Variants in ZCCHC2 observed in about 807,000 individuals in gnomAD.
The protein encoded by ZCCHC2 is zinc finger CCHC domain-containing protein 2.
ZCCHC2 carries 39 observed loss-of-function variants against 103.6 expected under a neutral mutation model. The observed-to-expected ratio is 0.38, with a 90% CI of 0.29 to 0.49. The LOEUF is 0.49. Ranked by LOEUF, ZCCHC2 falls within the 20% of genes least tolerant of loss-of-function variation. ZCCHC2 has a pLI of 0.96. For synonymous variants in ZCCHC2, 687 were observed against 608.9 expected (o/e 1.13, Z -1.89); for missense variants, 1,483 against 1,491.0 (o/e 0.99, Z 0.09).
chr18:62,574,026 G>T (rs369082554), intron 12 of ZCCHC2, 31 bp from the exon 13 acceptor site: 154 of 1,586,342 alleles, frequency 9.7e-5, no homozygotes, highest in Non-Finnish European at 1.2e-4. Context: ...TTATGCCCGT[G>T]TTAATATCTC....
chr18:62,553,912 G>A (rs1915772841), intron 5 of ZCCHC2, among the ~76,000 whole-genome samples: 1 of 152,050 alleles, frequency 6.6e-6, no homozygotes, highest in Non-Finnish European at 1.5e-5. Context: ...TGACCATAGA[G>A]GTGTTTTAAA....
At chr18:62,541,784 G>A (rs987652293) in intron 2 of ZCCHC2, among the ~76,000 whole-genome samples, 2 of 152,114 alleles carry the variant, frequency 1.3e-5, no homozygotes, top group Non-Finnish European at 2.9e-5. Flanking sequence ...TAAAGGTGTC[G>A]TAAAATGGAT....
chr18:62,565,123 A>G, intron 11 of ZCCHC2, 27 bp downstream of exon 11: 2 of 1,494,256 alleles, frequency 1.3e-6, no homozygotes, highest in Non-Finnish European at 1.9e-6. Flanking sequence ...TCTTTCAAAT[A>G]CCCATCACAT....
At chr18:62,547,907 G>T (rs1378031318) in intron 4 of ZCCHC2, among the ~76,000 whole-genome samples, 2 of 152,068 alleles carry the variant, frequency 1.3e-5, no homozygotes, top group Admixed American at 6.6e-5. Flanking sequence ...CATTTCTCAT[G>T]ATCAGAATGT....
intron 7 of ZCCHC2, 145 bp downstream of exon 7, chr18:62,558,915 A>G: frequency 9.9e-6 from 5 of 503,944 alleles, no homozygotes; most frequent in Non-Finnish European, 1.8e-5. Flanking sequence ...TAGACCATTC[A>G]ATAAATGGTG....
At chr18:62,545,348 G>A (rs540627793) in intron 4 of ZCCHC2, among the ~76,000 whole-genome samples, 1 of 152,210 alleles carries the variant, frequency 6.6e-6, no homozygotes, top group East Asian at 1.9e-4. Flanking sequence ...GCTTCTGCTT[G>A]GTGGGAGTTC....
intron 9 of ZCCHC2, among the ~76,000 whole-genome samples, chr18:62,563,518 G>A (rs1361751025): frequency 6.6e-6 from 1 of 152,106 alleles, no homozygotes; most frequent in Non-Finnish European, 1.5e-5. Context: ...TTAGCTGAGT[G>A]TGGTGGTACA....
intron 7 of ZCCHC2, among the ~76,000 whole-genome samples, chr18:62,559,349 T>C (rs1454404385): frequency 3.9e-5 from 6 of 152,196 alleles, no homozygotes; most frequent in African/African-American, 1.4e-4. Context: ...GTGAAAGACA[T>C]AAATAGGTGA....
chr18:62,553,582 A>G (rs1210919498), intron 5 of ZCCHC2, among the ~76,000 whole-genome samples: 3 of 152,278 alleles, frequency 2.0e-5, no homozygotes, highest in South Asian at 4.1e-4. Flanking sequence ...TATCTGTAAG[A>G]TCAATTTATG....
rs568120011 is a variant in ZCCHC2, at chr18:62,528,899, G to A, written c.939+4536G>A. Among the ~76,000 whole-genome samples the A allele has an allele frequency of 2.6e-5, 4 of 152,166 alleles. No individual in the cohort carries two copies. In the South Asian group the frequency reaches 8.3e-4, roughly 32 times the overall value. Reference sequence around the variant, plus strand: ...TTTTTGGCCAGGCGCAGTGGCTCACGCCTGTAATTCCAGCACTTTGAAAGC... The same window carrying A: ...TTTTTGGCCAGGCGCAGTGGCTCACACCTGTAATTCCAGCACTTTGAAAGC... On this transcript the variant is annotated intron_variant, in intron 1 of 13. Transcript: ENST00000269499.
At chr18:62,528,963 C>T in intron 1 of ZCCHC2, among the ~76,000 whole-genome samples, 1 of 151,958 alleles carries the variant, frequency 6.6e-6, no homozygotes, top group Non-Finnish European at 1.5e-5. Flanking sequence ...AGTTAGAGAC[C>T]AGCCTGACCA....
At chr18:62,565,259 A>G (rs1415551824) in intron 11 of ZCCHC2, among the ~76,000 whole-genome samples, 163 bp downstream of exon 11, 3 of 152,176 alleles carry the variant, frequency 2.0e-5, no homozygotes, top group South Asian at 2.1e-4. Flanking sequence ...TCTGAAATCA[A>G]TGGAGTTAAT....
At chr18:62,564,449 T>A (rs1916257356) in intron 9 of ZCCHC2, 122 bp from the exon 10 acceptor site, 2 of 666,086 alleles carry the variant, frequency 3.0e-6, no homozygotes, top group Admixed American at 7.7e-5. Flanking sequence ...AAAAATAGGT[T>A]GGAAATCAAC....
Position 62,575,440 on chromosome 18 carries a change from C to T in ZCCHC2, c.3359C>T (p.Thr1120Ile). 6.2e-7 allele frequency: 1 copy of T among 1,613,974 alleles called. No homozygotes were observed. Among genetic ancestry groups the T allele is most frequent in the Non-Finnish European group, 8.5e-7 (1 of 1,179,900 alleles). The change falls in exon 13 of 14, where the codon ACC (threonine) becomes ATC (isoleucine). Residue 1120 changes from threonine to isoleucine, a missense_variant. Thr to Ile is a moderately conservative substitution (Grantham distance 89). This residue lies in a region of ZCCHC2 where 884 missense variants were observed against 907.5 expected (regional missense o/e 0.97). Coordinates refer to ENST00000269499, the MANE Select transcript of ZCCHC2 (RefSeq NM_017742.6). ...VYPAPNVVAN[T>I]SGSGPKKNGN... is the part of the protein sequence containing the mutation. ...CCAGCACCTAACGTAGTTGCCAACA[C>T]CAGTGGTTCGGGGCCCAAGAAGAAT...
At position 62,570,146 on chromosome 18, in the gene ZCCHC2, A is replaced by C. The variant is rs778846725; in HGVS notation, c.1890A>C (p.Glu630Asp). 3 of 1,612,910 alleles carry C rather than the reference A, an allele frequency of 1.9e-6. No homozygotes were observed. In the South Asian group the frequency reaches 3.3e-5, roughly 18 times the overall value. ...DIGSGHDTCG[E>D]TSSESYSSPS... is the part of the protein sequence containing the mutation. ...GCTCTGGACATGACACATGTGGAGA[A>C]ACATCTTCAGAGAGTTACAGTTCTC... Residue 630 changes from glutamate to aspartate, a missense_variant, in exon 12 of 14, where the codon GAA (glutamate) becomes GAC (aspartate). Physicochemically the swap from Glu to Asp is conservative, Grantham distance 45. This residue lies in a region of ZCCHC2 where 884 missense variants were observed against 907.5 expected (regional missense o/e 0.97). Coordinates refer to ENST00000269499, the MANE Select transcript of ZCCHC2 (RefSeq NM_017742.6).
chr18:62,577,243 GAAGA>G lies in ZCCHC2; in HGVS notation c.*665_*668del, dbSNP rs1312462565. On this transcript the variant is annotated 3_prime_UTR_variant, in exon 14 of 14. Transcript: ENST00000269499. ...GTCCAAATAGAAATGAAAATAAGTG[GAAGA>G]GAGAGGAAGAAGTCAAACCATATGA... is the stretch of plus-strand genomic sequence containing the variant. The G allele has an allele frequency of 6.6e-6, 1 of 152,590 alleles. No homozygotes were observed. Among genetic ancestry groups the G allele is most frequent in the African/African-American group, 2.4e-5 (1 of 41,442 alleles). 9.5% of individuals were successfully genotyped at this position (152,590 alleles called of 1,614,324 possible). A position where few individuals can be genotyped will look rare whatever the true frequency, so the allele number is the denominator to read the frequency against.
intron 1 of ZCCHC2, among the ~76,000 whole-genome samples, chr18:62,536,937 A>G (rs751319704): frequency 1.2e-4 from 19 of 152,220 alleles, no homozygotes; most frequent in Non-Finnish European, 2.4e-4. Flanking sequence ...AGTTGCTTCA[A>G]TTTAATGTTT....
In ZCCHC2 at chr18:62,557,989, T is replaced by C. The variant is rs144428169; in HGVS notation, c.1409-698T>C. 1.8e-3 allele frequency among the ~76,000 whole-genome samples: 278 copies of C among 152,166 alleles called. 1 individual carries two copies. Among genetic ancestry groups the C allele is most frequent in the Non-Finnish European group, 3.0e-3 (201 of 67,992 alleles). ...AGTTGTTTCACTAGTGAATATACTG[T>C]TGTCAGGGTTCATTTGCATACACTG... On this transcript the variant is annotated intron_variant, in intron 6 of 13. Coordinates refer to ENST00000269499, the MANE Select transcript of ZCCHC2 (RefSeq NM_017742.6).
chr18:62,540,320 G>A (rs1267041330), intron 2 of ZCCHC2, among the ~76,000 whole-genome samples: 1 of 152,094 alleles, frequency 6.6e-6, no homozygotes, highest in Non-Finnish European at 1.5e-5. Flanking sequence ...ACCTGTGCTG[G>A]GAGAGAAACT....
Sources: gnomAD v4.1 joint callset for allele counts (sites outside exome capture counted in the v4.1 genomes callset) on GRCh38, gnomAD v4.1.1 for gene constraint, gnomAD v4.1.1 regional missense constraint, MANE v1.5 for transcripts, NCBI Gene and HGNC (gene_info 2026-07-23, HGNC 2026-07-21) for gene names.